The following FXN variants were observed in gnomAD, a reference collection of about 807,000 sequenced individuals.
FXN encodes frataxin.
Under a neutral mutation model 22.4 loss-of-function variants are expected in FXN, and 14 were observed. The observed-to-expected ratio is 0.62, with a 90% confidence interval of 0.41 to 0.98. The LOEUF is 0.98. FXN is among the 50% of genes least tolerant of loss of function. The probability of loss-of-function intolerance (pLI) is 0.00; values close to 1 mark genes in which losing one functional copy is unlikely to be tolerated. For missense variants in FXN, 267 were observed against 268.4 expected, an observed-to-expected ratio of 0.99 and a Z score of 0.04; for synonymous variants, 120 against 114.1, an observed-to-expected ratio of 1.05 and a Z score of -0.33.
intron 4 of FXN, among the ~76,000 whole-genome samples, chr9:69,071,780 C>A (rs1832281789): frequency 6.6e-6 from 1 of 152,164 alleles, no homozygotes; most frequent in South Asian, 2.1e-4. Flanking sequence ...TGGGGAATAA[C>A]TGTTTAATGG....
At position 69,075,977 on chromosome 9, in the gene FXN, T is replaced by C; in HGVS notation, c.*3215T>C. The C allele has an allele frequency of 1.0e-6, 1 of 974,182 alleles. No individual in the cohort carries two copies. Among genetic ancestry groups the C allele is most frequent in the Non-Finnish European group, 1.2e-6 (1 of 819,884 alleles). The allele number at this position is 974,182 out of a possible 1,614,324, so 60.3% of individuals were successfully genotyped here. The stretch of plus-strand genomic sequence containing the variant: ...GCCTCGTCCTCCCAAGATGCTGGGA[T>C]TACAGGTGTGTGCCACAGGTGTTCA... On this transcript the variant is annotated 3_prime_UTR_variant, in exon 5 of 5. Transcript: ENST00000484259.
intron 2 of FXN, among the ~76,000 whole-genome samples, chr9:69,050,187 A>G (rs1005197144): frequency 6.6e-5 from 10 of 152,248 alleles, no homozygotes; most frequent in Admixed American, 2.0e-4. Flanking sequence ...TTCTATCACA[A>G]TGATGTTTGT....
chr9:69,060,113 A>G (rs1295841446), intron 3 of FXN, among the ~76,000 whole-genome samples: 1 of 152,172 alleles, frequency 6.6e-6, no homozygotes, highest in African/African-American at 2.4e-5. Context: ...TCACGCCTGT[A>G]ATCCCAGCAC....
rs573047787 is a variant in FXN, at chr9:69,052,065, C to T, written c.264-1075C>T. The stretch of plus-strand genomic sequence containing the variant: ...GTTTCACCATGTCAGCCAGGCTGGT[C>T]TTGAACTCCTGACCTCAGGTGATCC... On this transcript the variant is annotated intron_variant, in intron 2 of 4. Coordinates refer to ENST00000484259, the MANE Select transcript of FXN (RefSeq NM_000144.5). 4.5e-4 allele frequency among the ~76,000 whole-genome samples: 69 copies of T among 151,740 alleles called. 2 individuals carry two copies. The highest frequency in any genetic ancestry group is 3.4e-3 in the Middle Eastern group (1 of 292).
chr9:69,055,483 ACTTCTT>A (rs753810872), intron 3 of FXN, among the ~76,000 whole-genome samples: 288 of 150,320 alleles, frequency 1.9e-3, no homozygotes, highest in Non-Finnish European at 2.9e-3. Context: ...CGTTTGGTTT[ACTTCTT>A]CTTCTTCTTT....
intron 1 of FXN, among the ~76,000 whole-genome samples, chr9:69,041,512 T>C (rs959511362): frequency 6.6e-6 from 1 of 152,230 alleles, no homozygotes; most frequent in Admixed American, 6.5e-5. Flanking sequence ...TTCAGGTGAA[T>C]TTCTCAGAAT....
rs1287782396 is a variant in FXN, at chr9:69,075,995, G to C, written c.*3233G>C. ...GCTGGGATTACAGGTGTGTGCCACA[G>C]GTGTTCATCAGAAAGCTTTTTCTAT... On this transcript the variant is annotated 3_prime_UTR_variant, in exon 5 of 5. Coordinates refer to ENST00000484259, the MANE Select transcript of FXN (RefSeq NM_000144.5). 2 of 982,152 alleles carry C rather than the reference G, an allele frequency of 2.0e-6. No individual in the cohort carries two copies. Among genetic ancestry groups the C allele is most frequent in the African/African-American group, 3.5e-5 (2 of 57,036 alleles). The allele number at this position is 982,152 out of a possible 1,614,324, so 60.8% of individuals were successfully genotyped here. A position where few individuals can be genotyped will look rare whatever the true frequency, so the allele number is the denominator to read the frequency against.
chr9:69,056,830 C>T (rs1296175348), intron 3 of FXN, among the ~76,000 whole-genome samples: 2 of 139,764 alleles, frequency 1.4e-5, no homozygotes, highest in East Asian at 3.9e-4. Context: ...GCAACCTCCA[C>T]CTCCTGGGTT....
intron 3 of FXN, among the ~76,000 whole-genome samples, chr9:69,058,477 GGT>G (rs1398730211): frequency 6.6e-6 from 1 of 151,852 alleles, no homozygotes; most frequent in Admixed American, 6.6e-5. Flanking sequence ...TATTCACTAA[GGT>G]GTCAGCATAT....
At chr9:69,053,334 TC>T in intron 3 of FXN, 74 bp downstream of exon 3, 1 of 1,517,282 alleles carries the variant, frequency 6.6e-7, no homozygotes, top group South Asian at 1.1e-5. Flanking sequence ...AGAATTTCCC[TC>T]CAGCAGAGCT....
At chr9:69,048,257 A>C (rs1461860529) in intron 2 of FXN, among the ~76,000 whole-genome samples, 1 of 152,208 alleles carries the variant, frequency 6.6e-6, no homozygotes, top group Non-Finnish European at 1.5e-5. Flanking sequence ...TGGTTTTTGC[A>C]GCAGGACTGA....
intron 1 of FXN, 98 bp downstream of exon 1, chr9:69,036,045 G>C (rs1277642664): frequency 1.8e-6 from 2 of 1,094,680 alleles, no homozygotes; most frequent in Non-Finnish European, 2.3e-6. Context: ...GGTCGCTCCG[G>C]GTACGCGCGC....
rs1832419274 is a variant in FXN at position 69,078,988 on chromosome 9, C to G, written c.*6226C>G. 1.1e-6 allele frequency: 1 copy of G among 874,502 alleles called. No individual in the cohort carries two copies. Among genetic ancestry groups the G allele is most frequent in the African/African-American group, 1.8e-5 (1 of 54,780 alleles). The allele number at this position is 874,502 out of a possible 1,614,324, so 54.2% of individuals were successfully genotyped here. ...CCCTAGCATCTTGCACAGTTCCTTG[C>G]ACACAATTAGAGCTCTATAAATGTC... On this transcript the variant is annotated 3_prime_UTR_variant, in exon 5 of 5. Transcript: ENST00000484259.
intron 3 of FXN, among the ~76,000 whole-genome samples, chr9:69,056,130 C>T (rs750185140): frequency 2.0e-5 from 3 of 152,156 alleles, no homozygotes; most frequent in Admixed American, 6.5e-5. Context: ...TCTCTCACCT[C>T]GGCCTCCCAA....
intron 3 of FXN, among the ~76,000 whole-genome samples, chr9:69,062,026 C>T (rs1041676193): frequency 1.3e-5 from 2 of 152,190 alleles, no homozygotes; most frequent in African/African-American, 4.8e-5. Flanking sequence ...CTTTTTGGGA[C>T]AATGGAAATA....
chr9:69,075,507 G>A lies in FXN; in HGVS notation c.*2745G>A, dbSNP rs970968736. The A allele has an allele frequency of 1.0e-6, 1 of 984,614 alleles. No individual in the cohort carries two copies. The highest frequency in any genetic ancestry group is 1.2e-6 in the Non-Finnish European group (1 of 829,524). 61.0% of individuals were successfully genotyped at this position (984,614 alleles called of 1,614,324 possible). A position where few individuals can be genotyped will look rare whatever the true frequency, so the allele number is the denominator to read the frequency against. On this transcript the variant is annotated 3_prime_UTR_variant, in exon 5 of 5. Transcript: ENST00000484259. The stretch of plus-strand genomic sequence containing the variant: ...AGGGACTTCAAACACATGAACAGCA[G>A]CCAGGGGAAGAATCAAAATCATATT...
intron 1 of FXN, among the ~76,000 whole-genome samples, chr9:69,040,797 G>A (rs1305976368): frequency 1.3e-5 from 2 of 152,188 alleles, no homozygotes; most frequent in Non-Finnish European, 2.9e-5. Flanking sequence ...GATATTAGGA[G>A]GTGGGGCCCT....
Position 69,073,383 on chromosome 9 carries a change from C to T in FXN, c.*621C>T, listed in dbSNP as rs1564341436. On this transcript the variant is annotated 3_prime_UTR_variant, in exon 5 of 5. Transcript: ENST00000484259. ...GGGAGACCTAGTGCTGTTTCTCCCA[C>T]ATATTCACATACGTGTCTGTGTGTA... The T allele has an allele frequency of 1.1e-5, 11 of 986,918 alleles. No individual in the cohort carries two copies. The South Asian group carries it at 2.8e-4, about 25-fold the overall frequency. 61.1% of individuals were successfully genotyped at this position (986,918 alleles called of 1,614,324 possible). A position where few individuals can be genotyped will look rare whatever the true frequency, so the allele number is the denominator to read the frequency against.
At chr9:69,064,112 A>ACAG (rs1564337686) in intron 3 of FXN, among the ~76,000 whole-genome samples, 1 of 152,226 alleles carries the variant, frequency 6.6e-6, no homozygotes, top group Non-Finnish European at 1.5e-5. Context: ...AAGATGGGGA[A>ACAG]CAGCAGGCTT....
Sources: gnomAD v4.1 joint callset for allele counts (sites outside exome capture counted in the v4.1 genomes callset) on GRCh38, gnomAD v4.1.1 for gene constraint, MANE v1.5 for transcripts, NCBI Gene and HGNC (gene_info 2026-07-23, HGNC 2026-07-21) for gene names.